Variants in ELP3 observed in about 807,000 individuals in gnomAD.
The protein encoded by ELP3 is elongator acetyltransferase complex subunit 3.
In ELP3, 56 loss-of-function variants were observed where a neutral mutation model predicts 74.9. That is an observed-to-expected ratio of 0.75 (90% CI 0.60 to 0.93). The LOEUF (loss-of-function observed/expected upper bound fraction) is 0.93. Among genes scored for constraint, ELP3 ranks in the 40% least tolerant of loss-of-function variants. The pLI, the probability that ELP3 is intolerant of heterozygous loss-of-function variation, is 0.00. For synonymous variants in ELP3, 222 were observed against 239.8 expected, an observed-to-expected ratio of 0.93 and a Z score of 0.68; for missense variants, 573 against 686.5, an observed-to-expected ratio of 0.83 and a Z score of 1.85.
Position 28,093,184 on chromosome 8 carries a change from T to C in ELP3, c.-31T>C, listed in dbSNP as rs1405441391. On this transcript the variant is annotated 5_prime_UTR_variant, in exon 1 of 15. Transcript: ENST00000256398. ...GTCTGAGTTTGTGGCTGCATTTTTA[T>C]CTCTGGTGGCTCTGCTACGGCGGCG... 6 of 1,611,532 alleles carry C rather than the reference T, an allele frequency of 3.7e-6. No individual in the cohort carries two copies. The highest frequency in any genetic ancestry group is 5.1e-6 in the Non-Finnish European group (6 of 1,179,562).
At position 28,155,845 on chromosome 8, in the gene ELP3, TA is replaced by T. The variant is rs1813805283; in HGVS notation, c.1101-96del. The T allele has an allele frequency of 5.7e-5, 60 of 1,061,258 alleles. No homozygotes were observed. In the South Asian group the frequency reaches 8.5e-4, roughly 15 times the overall value. 65.7% of individuals were successfully genotyped at this position (1,061,258 alleles called of 1,614,324 possible). On this transcript the variant is annotated intron_variant, in intron 10 of 14. Transcript: ENST00000256398. ...CAGCTTCATAGGTTTTTTGCTTTTT[TA>T]TTTTTGTTCTTTTTAACTTTTTTAA...
At chr8:28,126,560 G>A (rs1483306135) in intron 7 of ELP3, among the ~76,000 whole-genome samples, 1 of 152,130 alleles carries the variant, frequency 6.6e-6, no homozygotes, top group Non-Finnish European at 1.5e-5. Context: ...CTTGTCTCTC[G>A]AGAAGTTGAC....
Position 28,161,435 on chromosome 8 carries a change from G to A in ELP3, c.1486-562G>A, listed in dbSNP as rs145375002. On this transcript the variant is annotated intron_variant, in intron 13 of 14. Coordinates refer to ENST00000256398, the MANE Select transcript of ELP3 (RefSeq NM_018091.6). ...CTAAAAGTACAAAAATTAGCTGGGC[G>A]TGGCGGCACGTGCCTGTAGTCACAG... Among the ~76,000 whole-genome samples, 358 of 152,066 alleles carry A rather than the reference G, an allele frequency of 2.4e-3. 2 individuals carry two copies. Among genetic ancestry groups the A allele is most frequent in the African/African-American group, 8.0e-3 (331 of 41,454 alleles).
At chr8:28,105,392 A>G (rs576271952) in intron 3 of ELP3, among the ~76,000 whole-genome samples, 1 of 152,260 alleles carries the variant, frequency 6.6e-6, no homozygotes, top group African/African-American at 2.4e-5. Context: ...TCCGTCTCAA[A>G]AAGGAAAAAA....
At chr8:28,127,160 A>G (rs993147748) in intron 7 of ELP3, among the ~76,000 whole-genome samples, 3 of 152,174 alleles carry the variant, frequency 2.0e-5, no homozygotes, top group African/African-American at 4.8e-5. Flanking sequence ...GGCCTGTACT[A>G]TATTCTGATG....
At chr8:28,175,840 A>G (rs1464894674) in intron 14 of ELP3, among the ~76,000 whole-genome samples, 1 of 112,900 alleles carries the variant, frequency 8.9e-6, no homozygotes. Context: ...TTGGGGAGTC[A>G]GTCTTGCTCT....
chr8:28,156,082 T>C (rs777316486), intron 11 of ELP3, 50 bp downstream of exon 11: 2 of 1,502,104 alleles, frequency 1.3e-6, no homozygotes, highest in Admixed American at 3.5e-5. Context: ...AAAAGAGAAA[T>C]CTGAAACACG....
chr8:28,159,299 A>G (rs371417895), intron 12 of ELP3, among the ~76,000 whole-genome samples: 16 of 152,330 alleles, frequency 1.1e-4, no homozygotes, highest in South Asian at 1.0e-3. Context: ...CTCTGCATTG[A>G]TATTTCTGTT....
chr8:28,170,136 G>A (rs1302009851), intron 14 of ELP3, among the ~76,000 whole-genome samples: 1 of 152,188 alleles, frequency 6.6e-6, no homozygotes, highest in African/African-American at 2.4e-5. Flanking sequence ...CTACCACAAT[G>A]TATCTTCTGC....
intron 11 of ELP3, among the ~76,000 whole-genome samples, chr8:28,157,434 A>G (rs977959415): frequency 2.1e-4 from 32 of 152,188 alleles, no homozygotes; most frequent in African/African-American, 7.7e-4. Context: ...ACAGAGATTG[A>G]TCATCTTCGT....
chr8:28,105,472 A>T, intron 3 of ELP3, among the ~76,000 whole-genome samples: 1 of 152,170 alleles, frequency 6.6e-6, no homozygotes, highest in Non-Finnish European at 1.5e-5. Flanking sequence ...TTCCCCAAGG[A>T]GCCCTGGTTT....
chr8:28,103,677 C>G (rs1362656361), intron 3 of ELP3, among the ~76,000 whole-genome samples: 1 of 152,360 alleles, frequency 6.6e-6, no homozygotes, highest in East Asian at 1.9e-4. Context: ...AGTGAGCACT[C>G]TGATGTTCCA....
intron 5 of ELP3, 145 bp downstream of exon 5, chr8:28,108,121 T>G (rs1162738333): frequency 1.4e-5 from 9 of 651,710 alleles, no homozygotes; most frequent in Non-Finnish European, 2.4e-5. Context: ...CACCAAATAT[T>G]TGCCAGTGTC....
At chr8:28,157,545 C>T (rs1288095996) in intron 11 of ELP3, among the ~76,000 whole-genome samples, 3 of 152,106 alleles carry the variant, frequency 2.0e-5, no homozygotes, top group Non-Finnish European at 4.4e-5. Flanking sequence ...TAGTTTTCTA[C>T]AACTGAATAA....
At chr8:28,114,414 C>T (rs1255900457) in intron 7 of ELP3, among the ~76,000 whole-genome samples, 1 of 152,138 alleles carries the variant, frequency 6.6e-6, no homozygotes, top group East Asian at 1.9e-4. Context: ...TCACATGAAG[C>T]ATAGTGCTGG....
At chr8:28,183,504 A>T (rs1190395427) in intron 14 of ELP3, among the ~76,000 whole-genome samples, 3 of 151,930 alleles carry the variant, frequency 2.0e-5, no homozygotes, top group Non-Finnish European at 4.4e-5. Context: ...GCTCACTGCA[A>T]CCTCTGCCTC....
At chr8:28,178,495 A>G (rs1251787304) in intron 14 of ELP3, among the ~76,000 whole-genome samples, 1 of 152,326 alleles carries the variant, frequency 6.6e-6, no homozygotes, top group Non-Finnish European at 1.5e-5. Context: ...GATTGAGTCA[A>G]CGTTGTAGTA....
intron 2 of ELP3, 30 bp from the exon 3 acceptor site, chr8:28,099,798 T>C: frequency 1.2e-6 from 2 of 1,613,748 alleles, no homozygotes; most frequent in Non-Finnish European, 1.7e-6. Context: ...ATAACCGTAA[T>C]CTTGATAATG....
At chr8:28,116,068 A>C (rs1305170000) in intron 7 of ELP3, among the ~76,000 whole-genome samples, 1 of 152,168 alleles carries the variant, frequency 6.6e-6, no homozygotes, top group African/African-American at 2.4e-5. Context: ...GCGTGAATGA[A>C]TTTTGAATGA....
Sources: gnomAD v4.1 joint callset for allele counts (sites outside exome capture counted in the v4.1 genomes callset) on GRCh38, gnomAD v4.1.1 for gene constraint, MANE v1.5 for transcripts, NCBI Gene and HGNC (gene_info 2026-07-23, HGNC 2026-07-21) for gene names.